The following DOCK9 variants were observed in gnomAD, a reference collection of about 807,000 sequenced individuals.
The protein encoded by DOCK9 is dedicator of cytokinesis protein 9.
Under a neutral mutation model 263.3 loss-of-function variants are expected in DOCK9, and 89 were observed. The ratio of observed to expected loss-of-function variants is 0.34; its 90% CI spans 0.28 to 0.40. DOCK9 has a LOEUF of 0.40. DOCK9 is among the 10% of genes least tolerant of loss of function. DOCK9 has a pLI of 1.00. For synonymous variants in DOCK9, 976 were observed against 973.1 expected (o/e 1.00, Z -0.06); for missense variants, 2,140 against 2,603.4 (o/e 0.82, Z 3.87).
intron 35 of DOCK9, among the ~76,000 whole-genome samples, chr13:98,850,613 G>A (rs1354213056): frequency 6.6e-6 from 1 of 152,124 alleles, no homozygotes; most frequent in Non-Finnish European, 1.5e-5. Context: ...CCTCTATGTG[G>A]ATAGACCATA....
At chr13:98,838,788 C>G (rs1432795663) in intron 38 of DOCK9, among the ~76,000 whole-genome samples, 1 of 152,064 alleles carries the variant, frequency 6.6e-6, no homozygotes. Flanking sequence ...AAAATTAAAG[C>G]GACGCCTCAT....
intron 32 of DOCK9, 42 bp from the exon 33 acceptor site, chr13:98,860,564 A>G: frequency 6.6e-7 from 1 of 1,515,300 alleles, no homozygotes; most frequent in Non-Finnish European, 8.9e-7. Flanking sequence ...AGATGACTGG[A>G]AAGGATTCCT....
chr13:98,958,535 CT>C (rs1390583129), intron 1 of DOCK9, among the ~76,000 whole-genome samples: 1 of 152,246 alleles, frequency 6.6e-6, no homozygotes, highest in African/African-American at 2.4e-5. Flanking sequence ...TCTGTCACAA[CT>C]GGTAAACTCT....
At chr13:98,855,761 A>G in intron 34 of DOCK9, 137 bp downstream of exon 34, 1 of 944,072 alleles carries the variant, frequency 1.1e-6, no homozygotes, top group Non-Finnish European at 1.6e-6. Context: ...AGCTCTCATC[A>G]CCTACTCCAG....
intron 49 of DOCK9, among the ~76,000 whole-genome samples, chr13:98,802,305 T>C (rs2090201541): frequency 6.6e-6 from 1 of 152,230 alleles, no homozygotes; most frequent in South Asian, 2.1e-4. Context: ...AGCCTGCCAA[T>C]GGGAACATGG....
intron 10 of DOCK9, among the ~76,000 whole-genome samples, chr13:98,903,613 AAAAAAAGAC>A (rs1288969871): frequency 4.7e-5 from 4 of 85,014 alleles, no homozygotes; most frequent in Non-Finnish European, 5.6e-5. Flanking sequence ...AAAAAAAAAA[AAAAAAAGAC>A]AAAAAAAAAA....
At chr13:99,016,220 C>T (rs548146427) in intron 1 of DOCK9, among the ~76,000 whole-genome samples, 3 of 152,054 alleles carry the variant, frequency 2.0e-5, no homozygotes, top group Non-Finnish European at 4.4e-5. Context: ...GTCCAAAAAA[C>T]GAGTGAAATC....
intron 13 of DOCK9, among the ~76,000 whole-genome samples, chr13:98,899,212 C>T (rs761002203): frequency 8.6e-5 from 13 of 152,040 alleles, no homozygotes; most frequent in African/African-American, 2.9e-4. Flanking sequence ...TGGATCAGAA[C>T]GTGCGTTCTG....
At chr13:99,054,729 A>G (rs1331609387) in intron 1 of DOCK9, among the ~76,000 whole-genome samples, 1 of 152,138 alleles carries the variant, frequency 6.6e-6, no homozygotes, top group Non-Finnish European at 1.5e-5. Context: ...AAGCTGGGAG[A>G]TTCTTAACTA....
At chr13:98,897,719 A>C in intron 14 of DOCK9, 109 bp from the exon 15 acceptor site, 1 of 1,420,416 alleles carries the variant, frequency 7.0e-7, no homozygotes, top group Non-Finnish European at 9.5e-7. Context: ...CATTGGCTAT[A>C]GCCAACAGAA....
chr13:99,047,131 G>C (rs1390294037), intron 1 of DOCK9, among the ~76,000 whole-genome samples: 1 of 152,190 alleles, frequency 6.6e-6, no homozygotes, highest in East Asian at 1.9e-4. Context: ...AAGCCTATGA[G>C]TAAACTTTTC....
intron 46 of DOCK9, among the ~76,000 whole-genome samples, chr13:98,809,682 T>A (rs990459274): frequency 3.3e-5 from 5 of 152,306 alleles, no homozygotes; most frequent in Admixed American, 6.5e-5. Flanking sequence ...ATTTCCACAT[T>A]AGAGTAAGCA....
intron 1 of DOCK9, among the ~76,000 whole-genome samples, chr13:99,023,290 T>A (rs1886332278): frequency 6.6e-6 from 1 of 152,234 alleles, no homozygotes; most frequent in African/African-American, 2.4e-5. Context: ...CACAATGGAA[T>A]ACTATTCAGC....
chr13:98,934,683 T>C (rs2054531527), intron 2 of DOCK9, among the ~76,000 whole-genome samples: 1 of 152,158 alleles, frequency 6.6e-6, no homozygotes, highest in Non-Finnish European at 1.5e-5. Flanking sequence ...GGAGATACAC[T>C]ATGCTGCAAT....
intron 1 of DOCK9, among the ~76,000 whole-genome samples, chr13:99,074,249 A>C (rs934358205): frequency 6.6e-5 from 10 of 152,236 alleles, no homozygotes; most frequent in African/African-American, 2.4e-4. Flanking sequence ...CAGTCTACAA[A>C]ACATATCAAG....
At chr13:99,031,453 G>T (rs1158412610) in intron 1 of DOCK9, among the ~76,000 whole-genome samples, 1 of 152,212 alleles carries the variant, frequency 6.6e-6, no homozygotes, top group Non-Finnish European at 1.5e-5. Context: ...TAACAATAAT[G>T]AGGATAATAT....
At chr13:98,957,021 G>A (rs1472578333) in intron 1 of DOCK9, among the ~76,000 whole-genome samples, 1 of 152,124 alleles carries the variant, frequency 6.6e-6, no homozygotes, top group African/African-American at 2.4e-5. Flanking sequence ...GTGCACCCAT[G>A]TGACTGTCTT....
chr13:99,036,632 C>T (rs1887909843), intron 1 of DOCK9, among the ~76,000 whole-genome samples: 1 of 152,206 alleles, frequency 6.6e-6, no homozygotes, highest in Non-Finnish European at 1.5e-5. Flanking sequence ...ACCTCCGATT[C>T]CCTGATTCAA....
Position 98,887,019 on chromosome 13 carries a change from T to C in DOCK9, c.2044-395A>G, listed in dbSNP as rs188831932. ...CCTCAGCATTTTTCTGTATTAATTT[T>C]CAGTTTTGTCCAAAACTTCATTTCA... is the stretch of plus-strand genomic sequence containing the variant. On this transcript the variant is annotated intron_variant, in intron 18 of 52. Transcript: ENST00000682017. Among the ~76,000 whole-genome samples the C allele has an allele frequency of 1.1e-4, 17 of 151,984 alleles. No individual in the cohort carries two copies. The East Asian group carries it at 3.1e-3, about 28-fold the overall frequency.
Sources: gnomAD v4.1 joint callset for allele counts (sites outside exome capture counted in the v4.1 genomes callset) on GRCh38, gnomAD v4.1.1 for gene constraint, MANE v1.5 for transcripts, NCBI Gene and HGNC (gene_info 2026-07-23, HGNC 2026-07-21) for gene names.